Variants in SIAE observed in about 807,000 individuals in gnomAD.
The protein encoded by SIAE is sialate O-acetylesterase.
SIAE carries 39 observed loss-of-function variants against 52.6 expected under a neutral mutation model. The ratio of observed to expected loss-of-function variants is 0.74; its 90% CI spans 0.57 to 0.97. The LOEUF is 0.97. Ranked by LOEUF, SIAE falls within the 50% of genes least tolerant of loss-of-function variation. The probability of loss-of-function intolerance (pLI) is 0.00; values close to 1 mark genes in which losing one functional copy is unlikely to be tolerated. For synonymous variants in SIAE, 233 were observed against 241.4 expected (o/e 0.97, Z 0.32); for missense variants, 592 against 662.1 (o/e 0.89, Z 1.16).
intron 3 of SIAE, among the ~76,000 whole-genome samples, chr11:124,655,467 A>G (rs1317827490): frequency 6.6e-6 from 1 of 152,046 alleles, no homozygotes; most frequent in African/African-American, 2.4e-5. Context: ...GAGCCACCGC[A>G]CCCAGCCAAT....
intron 3 of SIAE, among the ~76,000 whole-genome samples, chr11:124,655,965 C>T (rs371392143): frequency 1.3e-5 from 2 of 151,310 alleles, no homozygotes; most frequent in Non-Finnish European, 2.9e-5. Context: ...GAAAATTCCA[C>T]ACATAAATAC....
intron 3 of SIAE, among the ~76,000 whole-genome samples, chr11:124,657,315 T>C (rs941184613): frequency 1.3e-5 from 2 of 152,204 alleles, no homozygotes; most frequent in Non-Finnish European, 2.9e-5. Context: ...AGGGAAATTA[T>C]TTTTCAGCAG....
Position 124,636,829 on chromosome 11 carries a change from A to G in SIAE, c.*122T>C, listed in dbSNP as rs554269944. 2 of 1,390,428 alleles carry G rather than the reference A, an allele frequency of 1.4e-6. No individual in the cohort carries two copies. Among genetic ancestry groups the G allele is most frequent in the African/African-American group, 2.8e-5 (2 of 70,214 alleles). 86.1% of individuals were successfully genotyped at this position (1,390,428 alleles called of 1,614,324 possible). A position where few individuals can be genotyped will look rare whatever the true frequency, so the allele number is the denominator to read the frequency against. On this transcript the variant is annotated 3_prime_UTR_variant, in exon 10 of 10. Transcript: ENST00000263593. Reference sequence around the variant, plus strand: ...TATAGAAACAGCCATGTGCTAGCTGAAAGCCATTCAATGAGGCTTTCTATT... The same window carrying G: ...TATAGAAACAGCCATGTGCTAGCTGGAAGCCATTCAATGAGGCTTTCTATT...
At chr11:124,672,293 G>A (rs1943374407) in intron 1 of SIAE, among the ~76,000 whole-genome samples, 1 of 152,200 alleles carries the variant, frequency 6.6e-6, no homozygotes, top group South Asian at 2.1e-4. Flanking sequence ...GAGGGCAGTG[G>A]TTGCCTCTGG....
Position 124,635,476 on chromosome 11 carries a change from CCCTACAGAGTATTATAA to C in SIAE, c.*1458_*1474del, listed in dbSNP as rs1326391970. On this transcript the variant is annotated 3_prime_UTR_variant, in exon 10 of 10. Transcript: ENST00000263593. Reference sequence around the variant, plus strand: ...GAACTAAAGCAAAAACCATCATTCACCCTACAGAGTATTATAAATTTCATTTTCACACAGTAAAAAGT... The same window carrying C: ...GAACTAAAGCAAAAACCATCATTCACATTTCATTTTCACACAGTAAAAAGT... 1 of 152,150 alleles carries C rather than the reference CCCTACAGAGTATTATAA, an allele frequency of 6.6e-6. No individual in the cohort carries two copies. 9.4% of individuals were successfully genotyped at this position (152,150 alleles called of 1,614,324 possible).
chr11:124,637,872 ATTC>A, intron 9 of SIAE, among the ~76,000 whole-genome samples: 1 of 152,098 alleles, frequency 6.6e-6, no homozygotes. Context: ...TGCCTTTAAT[ATTC>A]TTTTCTCTTC....
At position 124,658,534 on chromosome 11, in the gene SIAE, A is replaced by G. The variant is rs934408426; in HGVS notation, c.405+2094T>C. 2.6e-5 allele frequency among the ~76,000 whole-genome samples: 4 copies of G among 152,168 alleles called. No individual in the cohort carries two copies. In the South Asian group the frequency reaches 6.2e-4, roughly 24 times the overall value. ...TATTGGCCATCTTTTTCTGAGCATA[A>G]CTAGAAATATCCAAATCTTAAGACC... On this transcript the variant is annotated intron_variant, in intron 3 of 9. Transcript: ENST00000263593.
intron 7 of SIAE, among the ~76,000 whole-genome samples, chr11:124,646,988 T>C (rs1942944741): frequency 2.6e-5 from 4 of 152,224 alleles, no homozygotes; most frequent in South Asian, 2.1e-4. Flanking sequence ...AAATGCAAGA[T>C]ATAGTACAGA....
In SIAE at chr11:124,637,124, C is replaced by G. The variant is rs1419395780; in HGVS notation, c.1399G>C (p.Ala467Pro). Residue 467 changes from alanine to proline, a missense_variant, in exon 10 of 10, where the codon GCG becomes CCG. Transcript: ENST00000263593. ...ACAGTGCCATGACAAGAATCGATCG[C>G]CAGGGTCAGGGACTGGGTGGAGACG... ...NTVSTQSLTL[A>P]IDSCHGTVVA... 1 of 1,614,158 alleles carries G rather than the reference C, an allele frequency of 6.2e-7. No individual in the cohort carries two copies. Among genetic ancestry groups the G allele is most frequent in the Non-Finnish European group, 8.5e-7 (1 of 1,180,030 alleles).
In SIAE at chr11:124,673,732, C is replaced by T; in HGVS notation, c.-24G>A. 6.2e-7 allele frequency: 1 copy of T among 1,611,658 alleles called. No homozygotes were observed. The highest frequency in any genetic ancestry group is 1.1e-5 in the South Asian group (1 of 90,608). ...ATGCTTGCAAGGATCTGACCGCCGCCTAGGACTGGGAAAGTGGGTTCCCGG... is the reference window on the plus strand; with the variant it reads ...ATGCTTGCAAGGATCTGACCGCCGCTTAGGACTGGGAAAGTGGGTTCCCGG... On this transcript the variant is annotated 5_prime_UTR_variant, in exon 1 of 10. Coordinates refer to ENST00000263593, the MANE Select transcript of SIAE (RefSeq NM_170601.5).
intron 4 of SIAE, among the ~76,000 whole-genome samples, chr11:124,653,472 G>A (rs1402760034): frequency 1.3e-5 from 2 of 152,114 alleles, no homozygotes; most frequent in Admixed American, 6.5e-5. Flanking sequence ...AGGAGAAGTA[G>A]GAAAAGAAAG....
At chr11:124,671,584 A>G (rs1413365712) in intron 1 of SIAE, among the ~76,000 whole-genome samples, 1 of 152,224 alleles carries the variant, frequency 6.6e-6, no homozygotes, top group African/African-American at 2.4e-5. Flanking sequence ...GGCAAATCAA[A>G]GAAAAAATCA....
At chr11:124,663,811 T>C (rs1420688407) in intron 2 of SIAE, among the ~76,000 whole-genome samples, 1 of 152,162 alleles carries the variant, frequency 6.6e-6, no homozygotes, top group African/African-American at 2.4e-5. Context: ...AGAAACAGTG[T>C]TGACCCACGA....
intron 4 of SIAE, among the ~76,000 whole-genome samples, chr11:124,652,386 T>C (rs1381956734): frequency 6.6e-6 from 1 of 151,844 alleles, no homozygotes; most frequent in Non-Finnish European, 1.5e-5. Context: ...AGCAGTGATG[T>C]GATGACAGAA....
chr11:124,669,674 C>A, intron 1 of SIAE, 153 bp from the exon 2 acceptor site: 1 of 724,014 alleles, frequency 1.4e-6, no homozygotes. Flanking sequence ...CTTCTTCCTC[C>A]TAATTAGGCA....
At chr11:124,642,683 G>GCA in intron 7 of SIAE, among the ~76,000 whole-genome samples, 1 of 152,166 alleles carries the variant, frequency 6.6e-6, no homozygotes, top group Non-Finnish European at 1.5e-5. Context: ...CTAACCAATA[G>GCA]GCTATGGCAA....
intron 4 of SIAE, 91 bp downstream of exon 4, chr11:124,654,558 AATAAAT>A: frequency 6.2e-7 from 1 of 1,609,608 alleles, no homozygotes; most frequent in Non-Finnish European, 8.5e-7. Context: ...CATGAGTAAT[AATAAAT>A]AGACACATAA....
At chr11:124,654,589 CT>C (rs2134373874) in intron 4 of SIAE, 65 bp downstream of exon 4, 1 of 1,613,310 alleles carries the variant, frequency 6.2e-7, no homozygotes, top group African/African-American at 1.3e-5. Context: ...CAAATTCAGT[CT>C]TACAGATTCC....
At chr11:124,649,560 C>A (rs1227459677) in intron 5 of SIAE, 59 bp downstream of exon 5, 3 of 1,580,948 alleles carry the variant, frequency 1.9e-6, no homozygotes, top group Non-Finnish European at 2.6e-6. Flanking sequence ...GGACGATGAC[C>A]CTCTCTCTTG....
Sources: gnomAD v4.1 joint callset for allele counts (sites outside exome capture counted in the v4.1 genomes callset) on GRCh38, gnomAD v4.1.1 for gene constraint, MANE v1.5 for transcripts, NCBI Gene and HGNC (gene_info 2026-07-23, HGNC 2026-07-21) for gene names.